The following RPSA variants were observed in gnomAD, a reference collection of about 807,000 sequenced individuals.
The protein encoded by RPSA is small ribosomal subunit protein uS2.
For missense variants in RPSA, 140 were observed against 372.8 expected, an observed-to-expected ratio of 0.38 and a Z score of 5.14; for synonymous variants, 103 against 126.7, an observed-to-expected ratio of 0.81 and a Z score of 1.25.
chr3:39,407,762 T>A lies in RPSA; in HGVS notation c.109T>A (p.Tyr37Asn), dbSNP rs2041940626. ...GTNLDFQMEQYIYKRKSDGIY... is the reference protein window; with the variant it reads ...GTNLDFQMEQNIYKRKSDGIY... Reference sequence around the variant, plus strand: ...CAATCTTGACTTCCAGATGGAACAGTACATCTATAAAAGGAAAAGTGATGG... The same window carrying A: ...CAATCTTGACTTCCAGATGGAACAGAACATCTATAAAAGGAAAAGTGATGG... The change falls in exon 2 of 7, where the codon TAC (tyrosine) becomes AAC (asparagine). Residue 37 changes from tyrosine to asparagine, a missense_variant. Coordinates refer to ENST00000301821, the MANE Select transcript of RPSA (RefSeq NM_002295.6). The A allele has an allele frequency of 6.3e-7, 1 of 1,597,928 alleles. No individual in the cohort carries two copies. Among genetic ancestry groups the A allele is most frequent in the African/African-American group, 1.3e-5 (1 of 74,928 alleles).
chr3:39,408,911 C>A, intron 3 of RPSA, 187 bp downstream of exon 3: 1 of 544,168 alleles, frequency 1.8e-6, no homozygotes, highest in East Asian at 3.2e-5. Flanking sequence ...ACGGTGAAGC[C>A]CCATCTCTAC....
intron 2 of RPSA, 35 bp from the exon 3 acceptor site, chr3:39,408,571 G>C: frequency 8.8e-7 from 1 of 1,132,444 alleles, no homozygotes; most frequent in Non-Finnish European, 1.4e-6. Context: ...TGCACAGCCA[G>C]GTCAAGTGTT....
At position 39,407,745 on chromosome 3, in the gene RPSA, A is replaced by C; in HGVS notation, c.92A>C (p.Asp31Ala). 2 of 1,597,696 alleles carry C rather than the reference A, an allele frequency of 1.3e-6. No individual in the cohort carries two copies. Among genetic ancestry groups the C allele is most frequent in the Non-Finnish European group, 1.7e-6 (2 of 1,179,100 alleles). Residue 31 changes from aspartate to alanine, a missense_variant, in exon 2 of 7, where the codon GAC becomes GCC. Transcript: ENST00000301821. ...AGTHLGGTNL[D>A]FQMEQYIYKR... ...ACCCACTTAGGTGGCACCAATCTTG[A>C]CTTCCAGATGGAACAGTACATCTAT...
intron 4 of RPSA, chr3:39,411,200 T>G (rs934141609): frequency 6.6e-6 from 5 of 760,936 alleles, no homozygotes; most frequent in Middle Eastern, 2.3e-4. Context: ...TAATTCTTGC[T>G]ACAAGTATAA....
In RPSA at chr3:39,410,739, T is replaced by A. The variant is rs376695295; in HGVS notation, c.253-15T>A. ...GTGGAATATCGAGTACCACTAACTT[T>A]TAAATTCTTCAAAGAGGGCTGTGCT... On this transcript the variant is annotated splice_polypyrimidine_tract_variant and intron_variant, in intron 3 of 6. Transcript: ENST00000301821. 6 of 1,613,916 alleles carry A rather than the reference T, an allele frequency of 3.7e-6. No homozygotes were observed. The South Asian group carries it at 4.4e-5, about 12-fold the overall frequency.
intron 1 of RPSA, chr3:39,406,971 C>T: frequency 2.2e-6 from 1 of 451,110 alleles, no homozygotes; most frequent in Non-Finnish European, 4.5e-6. Flanking sequence ...GGGTGGAGGC[C>T]GCCCTCCAGC....
At chr3:39,408,876 ATT>A in intron 3 of RPSA, 152 bp downstream of exon 3, 1 of 591,734 alleles carries the variant, frequency 1.7e-6, no homozygotes, top group South Asian at 2.0e-5. Context: ...AGTCCGGCGT[ATT>A]ACGAGGTCAG....
chr3:39,409,184 CTTTTTTT>C (rs71091746), intron 3 of RPSA, among the ~76,000 whole-genome samples: 13 of 85,412 alleles, frequency 1.5e-4, no homozygotes, highest in East Asian at 8.1e-4. Flanking sequence ...TATGACCTTC[CTTTTTTT>C]TTTTTTTTTT....
chr3:39,409,776 G>A (rs1031688313), intron 3 of RPSA, among the ~76,000 whole-genome samples: 5 of 152,120 alleles, frequency 3.3e-5, no homozygotes, highest in African/African-American at 7.2e-5. Context: ...GGGGGCTGCA[G>A]TAAGTTATGA....
At position 39,408,655 on chromosome 3, in the gene RPSA, A is replaced by G. The variant is rs750580550; in HGVS notation, c.183A>G (p.Ala61=). 3 of 1,613,626 alleles carry G rather than the reference A, an allele frequency of 1.9e-6. No homozygotes were observed. The Admixed American group carries it at 5.0e-5, about 27-fold the overall frequency. Residue 61 remains alanine (A), a synonymous_variant, in exon 3 of 7, where the codon GCA becomes GCG. Transcript: ENST00000301821. The part of the protein sequence containing the change: ...LKRTWEKLLL[A]ARAIVAIENP... ...GGACCTGGGAGAAGCTTCTGCTGGC[A>G]GCTCGTGCAATTGTTGCCATTGAAA...
In RPSA at chr3:39,410,759, T is replaced by C. The variant is rs2041994371; in HGVS notation, c.258T>C (p.Ala86=). Residue 86 remains alanine, a synonymous_variant, in exon 4 of 7, where the codon GCT becomes GCC. Transcript: ENST00000301821. ...VISSRNTGQR[A]VLKFAAATGA... is the part of the protein sequence containing the mutation. ...AACTTTTAAATTCTTCAAAGAGGGCTGTGCTGAAGTTTGCTGCTGCCACTG... is the reference window on the plus strand; with the variant it reads ...AACTTTTAAATTCTTCAAAGAGGGCCGTGCTGAAGTTTGCTGCTGCCACTG... 1 of 1,613,916 alleles carries C rather than the reference T, an allele frequency of 6.2e-7. No homozygotes were observed. Among genetic ancestry groups the C allele is most frequent in the South Asian group, 1.1e-5 (1 of 91,074 alleles).
At chr3:39,410,402 T>G in intron 3 of RPSA, 1 of 300,970 alleles carries the variant, frequency 3.3e-6, no homozygotes, top group South Asian at 3.6e-5. Flanking sequence ...TGAAACTGAC[T>G]TGTTACTAGG....
Position 39,407,854 on chromosome 3 carries a change from GGTTA to G in RPSA, c.133+72_133+75del, listed in dbSNP as rs2041941732. ...CAAATTTTGAGCTTGCTATTCTCGTGGTTAGTTCTGGGTAATTTCTTTCTATCTT... is the reference window on the plus strand; with the variant it reads ...CAAATTTTGAGCTTGCTATTCTCGTGGTTCTGGGTAATTTCTTTCTATCTT... On this transcript the variant is annotated intron_variant, in intron 2 of 6. Transcript: ENST00000301821. 15 of 1,291,228 alleles carry G rather than the reference GGTTA, an allele frequency of 1.2e-5. No homozygotes were observed. The Admixed American group carries it at 1.3e-4, about 11-fold the overall frequency. The allele number at this position is 1,291,228 out of a possible 1,614,324, so 80.0% of individuals were successfully genotyped here. A position where few individuals can be genotyped will look rare whatever the true frequency, so the allele number is the denominator to read the frequency against.
At chr3:39,407,974 A>G in intron 2 of RPSA, 188 bp downstream of exon 2, 1 of 566,248 alleles carries the variant, frequency 1.8e-6, no homozygotes, top group African/African-American at 1.9e-5. Flanking sequence ...CAGGGGAGGA[A>G]TATGTCAGTT....
chr3:39,407,514 A>G, intron 1 of RPSA, 107 bp from the exon 2 acceptor site: 1 of 826,330 alleles, frequency 1.2e-6, no homozygotes, highest in Non-Finnish European at 2.1e-6. Flanking sequence ...ACTACACTGT[A>G]AGCTCAATGC....
intron 1 of RPSA, chr3:39,406,994 C>T (rs1281664537): frequency 6.6e-6 from 3 of 452,020 alleles, no homozygotes; most frequent in Non-Finnish European, 1.3e-5. Flanking sequence ...AGGCTCCGAG[C>T]TGGGGTTCGG....
chr3:39,408,418 G>T, intron 2 of RPSA, 188 bp from the exon 3 acceptor site: 1 of 763,600 alleles, frequency 1.3e-6, no homozygotes, highest in Non-Finnish European at 2.4e-6. Context: ...CAGGGTGGAG[G>T]CCAGTCTTGG....
intron 3 of RPSA, 95 bp downstream of exon 3, chr3:39,408,819 G>T (rs2041958978): frequency 2.4e-6 from 2 of 832,922 alleles, no homozygotes; most frequent in Non-Finnish European, 4.2e-6. Flanking sequence ...AATAACTCAG[G>T]CCGGGCGCGG....
intron 1 of RPSA, chr3:39,407,054 T>G (rs1349523782): frequency 2.2e-6 from 1 of 454,294 alleles, no homozygotes; most frequent in Non-Finnish European, 4.4e-6. Flanking sequence ...ACATCCTGTG[T>G]TGCTATCCCT....
Sources: gnomAD v4.1 joint callset for allele counts (sites outside exome capture counted in the v4.1 genomes callset) on GRCh38, gnomAD v4.1.1 for gene constraint, MANE v1.5 for transcripts, NCBI Gene and HGNC (gene_info 2026-07-23, HGNC 2026-07-21) for gene names.